DAZL: variants seen among roughly 807,000 people sequenced by gnomAD.
DAZL encodes deleted in azoospermia-like.
DAZL carries 4 observed loss-of-function variants against 45.0 expected under a neutral mutation model. The ratio of observed to expected loss-of-function variants is 0.09; its 90% CI spans 0.04 to 0.20. The LOEUF (loss-of-function observed/expected upper bound fraction) is 0.20. Among genes scored for constraint, DAZL ranks in the 10% least tolerant of loss-of-function variants. DAZL has a pLI of 1.00. For missense variants in DAZL, 326 were observed against 351.3 expected (o/e 0.93, Z 0.58); for synonymous variants, 122 against 112.4 (o/e 1.09, Z -0.54).
At chr3:16,591,525 G>A (rs775090133) in intron 10 of DAZL, among the ~76,000 whole-genome samples, 1 of 151,614 alleles carries the variant, frequency 6.6e-6, no homozygotes, top group Non-Finnish European at 1.5e-5. Context: ...AACTTCCCAG[G>A]CTCAAGCAAT....
At chr3:16,601,873 AATT>A (rs919985014) in intron 1 of DAZL, among the ~76,000 whole-genome samples, 1 of 152,174 alleles carries the variant, frequency 6.6e-6, no homozygotes, top group Non-Finnish European at 1.5e-5. Context: ...AGCTGGAAAA[AATT>A]ATTATGTAAC....
intron 7 of DAZL, among the ~76,000 whole-genome samples, 168 bp from the exon 8 acceptor site, chr3:16,594,751 C>T (rs1188912287): frequency 3.3e-5 from 5 of 151,926 alleles, no homozygotes; most frequent in Non-Finnish European, 5.9e-5. Context: ...CCCTGATGTT[C>T]TTGTTACTTC....
At chr3:16,597,996 TTTATG>T (rs1328903941) in intron 3 of DAZL, 86 bp downstream of exon 3, 27 of 1,266,982 alleles carry the variant, frequency 2.1e-5, no homozygotes, top group Non-Finnish European at 2.9e-5. Context: ...CAGCAACAAA[TTTATG>T]TTAAGTGTCA....
chr3:16,601,838 C>A (rs1440113837), intron 1 of DAZL, among the ~76,000 whole-genome samples: 1 of 152,130 alleles, frequency 6.6e-6, no homozygotes, highest in Non-Finnish European at 1.5e-5. Context: ...TATATTTGGA[C>A]AACCAAGTGA....
intron 1 of DAZL, among the ~76,000 whole-genome samples, chr3:16,604,239 T>TG (rs1165812121): frequency 6.6e-6 from 1 of 152,182 alleles, no homozygotes; most frequent in Non-Finnish European, 1.5e-5. Flanking sequence ...CGTGACTCAG[T>TG]GGTTGGTCTG....
At chr3:16,592,297 C>T (rs1434553922) in intron 9 of DAZL, 149 bp from the exon 10 acceptor site, 10 of 1,233,148 alleles carry the variant, frequency 8.1e-6, no homozygotes, top group Non-Finnish European at 1.0e-5. Flanking sequence ...TGGCTCACGC[C>T]TGTAATCCCA....
chr3:16,598,367 C>CA (rs1306454389), intron 2 of DAZL, 85 bp downstream of exon 2: 8 of 1,560,616 alleles, frequency 5.1e-6, no homozygotes, highest in Admixed American at 1.7e-5. Flanking sequence ...CCATGAAGTA[C>CA]AAAAAAACCT....
At chr3:16,590,934 T>C (rs1306807792) in intron 10 of DAZL, among the ~76,000 whole-genome samples, 8 of 152,302 alleles carry the variant, frequency 5.3e-5, no homozygotes, top group South Asian at 2.1e-4. Flanking sequence ...CTAAAATTGA[T>C]TGTGGTCATG....
At position 16,597,043 on chromosome 3, in the gene DAZL, T is replaced by C. The variant is rs1455516541; in HGVS notation, c.303A>G (p.Ile101Met). The C allele has an allele frequency of 6.2e-7, 1 of 1,611,632 alleles. No homozygotes were observed. The highest frequency in any genetic ancestry group is 8.5e-7 in the Non-Finnish European group (1 of 1,179,458). ...VDVQKIVESQ[I>M]NFHGKKLKLG... ...GCTTCAGCTTTTTACCATGGAAATT[T>C]ATCTGTGACTGAAAATAAAACAGTA... Residue 101 changes from isoleucine (I) to methionine (M), a missense_variant, in exon 5 of 11, where the codon ATA becomes ATG. Around this residue, in one of 3 missense-constraint regions of DAZL, gnomAD observed 18 missense variants for 45.0 expected, o/e 0.40. Transcript: ENST00000399444.
At chr3:16,592,258 C>CA in intron 9 of DAZL, 110 bp from the exon 10 acceptor site, 1 of 1,480,338 alleles carries the variant, frequency 6.8e-7, no homozygotes, top group Non-Finnish European at 9.3e-7. Flanking sequence ...TAAAGAAATG[C>CA]AAAAAATGCT....
intron 1 of DAZL, among the ~76,000 whole-genome samples, chr3:16,598,986 T>A (rs1291954238): frequency 1.3e-5 from 2 of 152,110 alleles, no homozygotes; most frequent in Non-Finnish European, 2.9e-5. Context: ...TTTCTCCATG[T>A]TGGCCAGGCT....
chr3:16,589,230 A>T (rs930039), intron 10 of DAZL, among the ~76,000 whole-genome samples: 111,752 of 151,992 alleles, frequency 0.74, 41,447 homozygotes, highest in African/African-American at 0.83. Flanking sequence ...AAGAGAAAAA[A>T]TTTAAATACA....
chr3:16,592,077 A>T lies in DAZL; in HGVS notation c.807T>A (p.Ser269=), dbSNP rs751527395. 2.5e-6 allele frequency: 4 copies of T among 1,613,760 alleles called. No homozygotes were observed. Among genetic ancestry groups the T allele is most frequent in the Non-Finnish European group, 3.4e-6 (4 of 1,179,724 alleles). Reference sequence around the variant, plus strand: ...TGAAGTAGTCATCTTGAGTAACAACAGAGTTTCTCAGTCTGTTCTCTGGAT... The same window carrying T: ...TGAAGTAGTCATCTTGAGTAACAACTGAGTTTCTCAGTCTGTTCTCTGGAT... The part of the protein sequence containing the change: ...LFNPENRLRN[S]VVTQDDYFKD... The change falls in exon 10 of 11, where the codon TCT becomes TCA. Residue 269 remains serine (S), a synonymous_variant. Transcript: ENST00000399444.
At chr3:16,603,079 C>T (rs1694716726) in intron 1 of DAZL, among the ~76,000 whole-genome samples, 1 of 152,146 alleles carries the variant, frequency 6.6e-6, no homozygotes, top group African/African-American at 2.4e-5. Flanking sequence ...AATCCTAATA[C>T]CTTTCATTGG....
chr3:16,603,627 T>A (rs867802078), intron 1 of DAZL, among the ~76,000 whole-genome samples: 1 of 152,312 alleles, frequency 6.6e-6, no homozygotes, highest in Middle Eastern at 3.4e-3. Flanking sequence ...ATTACAGGCG[T>A]GAGCCACCGC....
At chr3:16,591,925 T>C (rs1221786165) in intron 10 of DAZL, 125 bp downstream of exon 10, 8 of 1,129,564 alleles carry the variant, frequency 7.1e-6, no homozygotes, top group African/African-American at 3.1e-5. Context: ...TACTGTGTTA[T>C]AGTCAAATGC....
intron 1 of DAZL, among the ~76,000 whole-genome samples, chr3:16,601,838 C>T (rs1440113837): frequency 5.9e-5 from 9 of 152,248 alleles, no homozygotes; most frequent in African/African-American, 1.9e-4. Context: ...TATATTTGGA[C>T]AACCAAGTGA....
chr3:16,587,281 A>G lies in DAZL; in HGVS notation c.*1379T>C, dbSNP rs1323902200. The stretch of plus-strand genomic sequence containing the variant: ...GTAACTACATTAAGTTAGAATTTCT[A>G]CATTTTAGGGAAGAAGTCACTGAAA... On this transcript the variant is annotated 3_prime_UTR_variant, in exon 11 of 11. Transcript: ENST00000399444. 6.6e-6 allele frequency: 1 copy of G among 152,138 alleles called. No individual in the cohort carries two copies. Among genetic ancestry groups the G allele is most frequent in the African/African-American group, 2.4e-5 (1 of 41,440 alleles). 9.4% of individuals were successfully genotyped at this position (152,138 alleles called of 1,614,324 possible).
intron 10 of DAZL, among the ~76,000 whole-genome samples, chr3:16,589,134 T>A (rs1694481210): frequency 6.6e-6 from 1 of 152,170 alleles, no homozygotes; most frequent in Admixed American, 6.5e-5. Flanking sequence ...CAATCTGAAA[T>A]TTCATGTTTT....
Sources: gnomAD v4.1 joint callset for allele counts (sites outside exome capture counted in the v4.1 genomes callset) on GRCh38, gnomAD v4.1.1 for gene constraint, gnomAD v4.1.1 regional missense constraint, MANE v1.5 for transcripts, NCBI Gene and HGNC (gene_info 2026-07-23, HGNC 2026-07-21) for gene names.